The following ETHE1 variants were observed in gnomAD, a reference collection of about 807,000 sequenced individuals.
ETHE1 encodes ETHE1 persulfide dioxygenase.
A neutral mutation model predicts 25.7 loss-of-function variants in ETHE1; 16 were observed. The observed-to-expected ratio is 0.62, with a 90% confidence interval of 0.42 to 0.95. The LOEUF is 0.95. ETHE1 is among the 40% of genes least tolerant of loss of function. ETHE1 has a pLI of 0.00. For missense variants in ETHE1, 300 were observed against 333.6 expected, an observed-to-expected ratio of 0.90 and a Z score of 0.79; for synonymous variants, 139 against 135.9, an observed-to-expected ratio of 1.02 and a Z score of -0.16.
At chr19:43,509,812 A>G (rs1164722349) in intron 4 of ETHE1, among the ~76,000 whole-genome samples, 1 of 152,194 alleles carries the variant, frequency 6.6e-6, no homozygotes, top group Non-Finnish European at 1.5e-5. Context: ...AAGAAGAAGA[A>G]GAAGAAAGAA....
chr19:43,511,286 A>C, intron 4 of ETHE1, 151 bp downstream of exon 4: 1 of 1,218,282 alleles, frequency 8.2e-7, no homozygotes, highest in Non-Finnish European at 1.2e-6. Context: ...AAGGTTGGGG[A>C]CCACTGTTCT....
At chr19:43,526,010 G>A in intron 3 of ETHE1, 191 bp downstream of exon 3, 4 of 727,332 alleles carry the variant, frequency 5.5e-6, no homozygotes, top group Non-Finnish European at 9.0e-6. Context: ...CCTGCCCAGA[G>A]CCTCTTGCCC....
At chr19:43,513,139 T>C (rs989573250) in intron 3 of ETHE1, among the ~76,000 whole-genome samples, 8 of 152,048 alleles carry the variant, frequency 5.3e-5, no homozygotes, top group Admixed American at 4.6e-4. Flanking sequence ...AGAGGCTGTA[T>C]GGAAATGCCT....
At chr19:43,514,045 A>G (rs575096631) in intron 3 of ETHE1, among the ~76,000 whole-genome samples, 30 of 151,844 alleles carry the variant, frequency 2.0e-4, no homozygotes, top group Non-Finnish European at 3.5e-4. Context: ...TGGACTGTGG[A>G]CTTTTGAGTT....
intron 3 of ETHE1, among the ~76,000 whole-genome samples, chr19:43,515,723 C>T (rs534359079): frequency 1.3e-5 from 2 of 152,082 alleles, no homozygotes; most frequent in South Asian, 4.1e-4. Context: ...TACAGGTGCC[C>T]ACCACCATGC....
intron 3 of ETHE1, among the ~76,000 whole-genome samples, chr19:43,524,010 C>T (rs1172116586): frequency 6.6e-6 from 1 of 151,762 alleles, no homozygotes. Context: ...CCAGGGCGCG[C>T]GGATCACCTG....
intron 3 of ETHE1, 181 bp downstream of exon 3, chr19:43,526,020 C>T: frequency 2.4e-6 from 2 of 818,600 alleles, no homozygotes; most frequent in Non-Finnish European, 3.9e-6. Context: ...GCCTCTTGCC[C>T]CAGTGCCCCA....
At chr19:43,521,050 G>A (rs537221296) in intron 3 of ETHE1, among the ~76,000 whole-genome samples, 3 of 152,020 alleles carry the variant, frequency 2.0e-5, no homozygotes, top group Non-Finnish European at 4.4e-5. Context: ...AAGAAAACTT[G>A]GGCCAGGTGC....
Position 43,526,675 on chromosome 19 carries a change from C to A in ETHE1, c.82-16G>T. 1 of 1,612,760 alleles carries A rather than the reference C, an allele frequency of 6.2e-7. No individual in the cohort carries two copies. Among genetic ancestry groups the A allele is most frequent in the Non-Finnish European group, 8.5e-7 (1 of 1,180,002 alleles). ...GCTCGAACATCTGGGAACGGGGGACCCAGGTGAGGGCGCAGAACCGGACTT... is the reference window on the plus strand; with the variant it reads ...GCTCGAACATCTGGGAACGGGGGACACAGGTGAGGGCGCAGAACCGGACTT... On this transcript the variant is annotated splice_polypyrimidine_tract_variant and intron_variant, in intron 1 of 6. Transcript: ENST00000292147.
chr19:43,511,885 CAT>C (rs2145985848), intron 3 of ETHE1, among the ~76,000 whole-genome samples: 1 of 152,250 alleles, frequency 6.6e-6, no homozygotes, highest in East Asian at 1.9e-4. Context: ...CCATAATCCT[CAT>C]ATGTCATGGG....
At chr19:43,521,260 G>T (rs1193599099) in intron 3 of ETHE1, among the ~76,000 whole-genome samples, 1 of 152,152 alleles carries the variant, frequency 6.6e-6, no homozygotes, top group Non-Finnish European at 1.5e-5. Context: ...GAAAGGCGGA[G>T]GTTGCAGTGA....
intron 3 of ETHE1, 142 bp downstream of exon 3, chr19:43,526,059 A>G: frequency 7.7e-7 from 1 of 1,302,496 alleles, no homozygotes; most frequent in Non-Finnish European, 1.1e-6. Flanking sequence ...CCCTCCCAGA[A>G]ATATGAGCTC....
At chr19:43,506,966 A>C in intron 6 of ETHE1, 64 bp from the exon 7 acceptor site, 1 of 1,541,296 alleles carries the variant, frequency 6.5e-7, no homozygotes, top group Non-Finnish European at 9.0e-7. Context: ...CCCACTGGAG[A>C]CCCAGAAATC....
At chr19:43,520,340 C>G (rs188511783) in intron 3 of ETHE1, among the ~76,000 whole-genome samples, 1 of 152,030 alleles carries the variant, frequency 6.6e-6, no homozygotes, top group African/African-American at 2.4e-5. Context: ...CCAGCCTGGG[C>G]AACAGAGTGA....
rs373224789 is a variant in ETHE1 at position 43,511,625 on chromosome 19, C to A, written c.376-59G>T. ...CAAGAAGCCTTCTAGATGAAACTGGCCCCCAAAGCCCCACCCTACCCCAGG... is the reference window on the plus strand; with the variant it reads ...CAAGAAGCCTTCTAGATGAAACTGGACCCCAAAGCCCCACCCTACCCCAGG... On this transcript the variant is annotated intron_variant, in intron 3 of 6. Coordinates refer to ENST00000292147, the MANE Select transcript of ETHE1 (RefSeq NM_014297.5). The A allele has an allele frequency of 1.8e-4, 287 of 1,588,524 alleles. 2 individuals carry two copies. In the African/African-American group the frequency reaches 3.6e-3, roughly 20 times the overall value.
At chr19:43,522,164 G>A (rs1460663899) in intron 3 of ETHE1, among the ~76,000 whole-genome samples, 6 of 152,082 alleles carry the variant, frequency 3.9e-5, no homozygotes, top group Admixed American at 2.6e-4. Flanking sequence ...GCTCACACCT[G>A]TAATCCCAAC....
intron 6 of ETHE1, 93 bp from the exon 7 acceptor site, chr19:43,506,995 C>A: frequency 7.3e-7 from 1 of 1,371,372 alleles, no homozygotes; most frequent in Non-Finnish European, 1.0e-6. Flanking sequence ...CTTTCCTCTT[C>A]AGGAAACTAG....
At chr19:43,513,684 G>C (rs1162850310) in intron 3 of ETHE1, among the ~76,000 whole-genome samples, 6 of 151,580 alleles carry the variant, frequency 4.0e-5, no homozygotes, top group Non-Finnish European at 8.8e-5. Context: ...AGGTGGGAGG[G>C]ACTTGCCTTG....
intron 3 of ETHE1, among the ~76,000 whole-genome samples, chr19:43,512,086 C>T (rs893493111): frequency 1.3e-5 from 2 of 152,172 alleles, no homozygotes; most frequent in Non-Finnish European, 2.9e-5. Context: ...TGTGAGGCCT[C>T]CCCAGCCATG....
Sources: allele counts gnomAD v4.1 joint callset (sites outside exome capture counted in the v4.1 genomes callset), GRCh38; gene constraint gnomAD v4.1.1; transcripts MANE v1.5; gene names NCBI Gene and HGNC (gene_info 2026-07-23, HGNC 2026-07-21).